MTOR: variants seen among roughly 807,000 people sequenced by gnomAD.
MTOR encodes the protein serine/threonine-protein kinase mTOR.
Under a neutral mutation model 319.8 loss-of-function variants are expected in MTOR, and 70 were observed. That is an observed-to-expected ratio of 0.22 (90% CI 0.18 to 0.27). MTOR has a LOEUF of 0.27. Among genes scored for constraint, MTOR ranks in the 10% least tolerant of loss-of-function variants. MTOR has a pLI of 1.00. For synonymous variants in MTOR, 1,183 were observed against 1,211.4 expected (o/e 0.98, Z 0.49); for missense variants, 1,890 against 3,274.4 (o/e 0.58, Z 10.32).
chr1:11,247,842 A>C lies in MTOR; in HGVS notation c.1093T>G (p.Leu365Val). The change falls in exon 7 of 58, where the codon TTG becomes GTG. Residue 365 changes from leucine (L) to valine (V), a missense_variant. Leu to Val is a conservative substitution (Grantham distance 32, BLOSUM62 1). This residue lies in a region of MTOR where 418 missense variants were observed against 543.1 expected (regional missense o/e 0.77). Transcript: ENST00000361445. ...ACCTGATCAAATTTCTCCTCCATCA[A>C]GTCTCTGCAACACCGGCTCTCCACC... ...TLVESRCCRD[L>V]MEEKFDQVCQ... The C allele has an allele frequency of 6.2e-7, 1 of 1,613,718 alleles. No individual in the cohort carries two copies. Among genetic ancestry groups the C allele is most frequent in the Non-Finnish European group, 8.5e-7 (1 of 1,179,674 alleles).
intron 11 of MTOR, 134 bp from the exon 12 acceptor site, chr1:11,238,751 T>A: frequency 1.4e-6 from 1 of 694,462 alleles, no homozygotes; most frequent in Non-Finnish European, 2.4e-6. Flanking sequence ...AATACGATAC[T>A]GACCCGGAAC....
chr1:11,205,704 A>C (rs1646116256), intron 25 of MTOR, among the ~76,000 whole-genome samples: 2 of 152,210 alleles, frequency 1.3e-5, no homozygotes, highest in South Asian at 4.1e-4. Flanking sequence ...AGGAGCAAAA[A>C]ATGATTGTTA....
chr1:11,232,977 A>T, intron 15 of MTOR: 1 of 833,366 alleles, frequency 1.2e-6, no homozygotes. Context: ...TTCTCACAAG[A>T]CTTTCAGAAT....
At chr1:11,114,082 A>G (rs1642035535) in intron 53 of MTOR, among the ~76,000 whole-genome samples, 3 of 152,298 alleles carry the variant, frequency 2.0e-5, no homozygotes, top group Non-Finnish European at 4.4e-5. Flanking sequence ...CTGTGAGTCA[A>G]TTAAACCTCT....
chr1:11,243,057 C>T (rs530531153), intron 9 of MTOR, 57 bp downstream of exon 9: 29 of 1,590,074 alleles, frequency 1.8e-5, no homozygotes, highest in Middle Eastern at 2.0e-4. Context: ...TGAAATAGAG[C>T]GTCCTTCCTC....
At chr1:11,137,188 G>A (rs1005999987) in intron 36 of MTOR, among the ~76,000 whole-genome samples, 2 of 150,386 alleles carry the variant, frequency 1.3e-5, no homozygotes, top group Non-Finnish European at 3.0e-5. Context: ...ATTGGGAGGC[G>A]GTAGTAAAAA....
intron 14 of MTOR, among the ~76,000 whole-genome samples, chr1:11,233,865 T>C (rs1057165743): frequency 2.6e-5 from 4 of 152,234 alleles, no homozygotes; most frequent in African/African-American, 9.6e-5. Flanking sequence ...AGCTATTTTA[T>C]GCTACTATCT....
At chr1:11,117,108 G>A (rs1642204100) in intron 49 of MTOR, 22 bp from the exon 50 acceptor site, 1 of 1,569,030 alleles carries the variant, frequency 6.4e-7, no homozygotes, top group South Asian at 1.2e-5. Context: ...GAGTGCATGT[G>A]AACTACGGTT....
intron 29 of MTOR, among the ~76,000 whole-genome samples, chr1:11,158,132 C>T (rs1644372913): frequency 6.6e-6 from 1 of 152,198 alleles, no homozygotes; most frequent in Admixed American, 6.5e-5. Flanking sequence ...TGTCTGCCCT[C>T]CATCTCAGTT....
In MTOR at chr1:11,256,201, A is replaced by G. The variant is rs776906134; in HGVS notation, c.505-9T>C. 6.2e-6 allele frequency: 10 copies of G among 1,611,920 alleles called. No homozygotes were observed. Among genetic ancestry groups the G allele is most frequent in the Non-Finnish European group, 8.5e-6 (10 of 1,179,098 alleles). On this transcript the variant is annotated splice_polypyrimidine_tract_variant and intron_variant, in intron 4 of 57. Transcript: ENST00000361445. ...TCACGGAGAACCAGGACCTGGAGAA[A>G]AAAGCAAACCGAGAACTCTCATTGG...
rs770298810 is a variant in MTOR, at chr1:11,126,675, G to A, written c.6473C>T (p.Pro2158Leu). The change falls in exon 46 of 58, where the codon CCG (proline) becomes CTG (leucine). Residue 2158 changes from proline (P) to leucine (L), a missense_variant. Coordinates refer to ENST00000361445, the MANE Select transcript of MTOR (RefSeq NM_004958.4). The stretch of plus-strand genomic sequence containing the variant: ...CTTGGATGTGATGACTTGCAAAGAC[G>A]GTGCTATGGACTGAATGCGAATGAT... ...QPIIRIQSIA[P>L]SLQVITSKQR... 8 of 1,613,946 alleles carry A rather than the reference G, an allele frequency of 5.0e-6. No homozygotes were observed. Among genetic ancestry groups the A allele is most frequent in the Non-Finnish European group, 5.9e-6 (7 of 1,180,010 alleles).
At chr1:11,116,342 T>C (rs1642166879) in intron 50 of MTOR, among the ~76,000 whole-genome samples, 1 of 152,118 alleles carries the variant, frequency 6.6e-6, no homozygotes, top group Admixed American at 6.5e-5. Flanking sequence ...TGAGACAGAG[T>C]CTTACTCTGT....
chr1:11,136,684 G>T (rs1367908603), intron 36 of MTOR, among the ~76,000 whole-genome samples: 1 of 151,920 alleles, frequency 6.6e-6, no homozygotes, highest in Non-Finnish European at 1.5e-5. Flanking sequence ...TTAATTTTTA[G>T]TAGAGATGAG....
At position 11,243,208 on chromosome 1, in the gene MTOR, G is replaced by C. The variant is rs2100922442; in HGVS notation, c.1318C>G (p.Leu440Val). ...RTAAFQALGLLSVAVRSEFKV... is the reference protein window; with the variant it reads ...RTAAFQALGLVSVAVRSEFKV... ...AACTCAGACCTCACAGCCACAGAAA[G>C]TAGCCCCAGGGCTTGGAAGGCCGCT... is the stretch of plus-strand genomic sequence containing the variant. The change falls in exon 9 of 58, where the codon CTT (leucine) becomes GTT (valine). Residue 440 changes from leucine (L) to valine (V), a missense_variant. Transcript: ENST00000361445. The C allele has an allele frequency of 6.2e-7, 1 of 1,614,202 alleles. No individual in the cohort carries two copies. Among genetic ancestry groups the C allele is most frequent in the Non-Finnish European group, 8.5e-7 (1 of 1,180,036 alleles).
At chr1:11,231,584 C>G in intron 16 of MTOR, 150 bp from the exon 17 acceptor site, 1 of 967,766 alleles carries the variant, frequency 1.0e-6, no homozygotes, top group Admixed American at 3.0e-5. Flanking sequence ...AGCAGAAATC[C>G]CAAAAGGGCA....
intron 28 of MTOR, among the ~76,000 whole-genome samples, chr1:11,170,366 TTATC>T (rs1176216682): frequency 6.6e-6 from 1 of 150,888 alleles, no homozygotes; most frequent in East Asian, 1.9e-4. Flanking sequence ...AGATTTGGGA[TTATC>T]TAGTTCCTTG....
intron 30 of MTOR, among the ~76,000 whole-genome samples, chr1:11,153,272 C>T (rs1420045353): frequency 1.3e-5 from 2 of 152,068 alleles, no homozygotes; most frequent in Non-Finnish European, 1.5e-5. Flanking sequence ...AAGAAGAGGG[C>T]AATTCAAAGA....
chr1:11,254,644 A>G (rs1390363307), intron 5 of MTOR, among the ~76,000 whole-genome samples: 1 of 152,190 alleles, frequency 6.6e-6, no homozygotes, highest in Non-Finnish European at 1.5e-5. Context: ...TGCAGCAGTA[A>G]TCAGCACAGG....
rs1387657194 is a variant in MTOR at position 11,232,538 on chromosome 1, G to A, written c.2422-10C>T. 1.2e-6 allele frequency: 2 copies of A among 1,606,516 alleles called. No individual in the cohort carries two copies. The highest frequency in any genetic ancestry group is 8.5e-7 in the Non-Finnish European group (1 of 1,175,044). On this transcript the variant is annotated splice_polypyrimidine_tract_variant and intron_variant, in intron 15 of 57. Transcript: ENST00000361445. Reference sequence around the variant, plus strand: ...TTTCCAGGCCACTAACCTGCAAAATGAAAAAGAGGGTGGCAGAAAGGGTTA... The same window carrying A: ...TTTCCAGGCCACTAACCTGCAAAATAAAAAAGAGGGTGGCAGAAAGGGTTA...
Sources: gnomAD v4.1 joint callset for allele counts (sites outside exome capture counted in the v4.1 genomes callset) on GRCh38, gnomAD v4.1.1 for gene constraint, gnomAD v4.1.1 regional missense constraint, MANE v1.5 for transcripts, NCBI Gene and HGNC (gene_info 2026-07-23, HGNC 2026-07-21) for gene names.